Variants in CCDC38 observed in about 807,000 individuals in gnomAD.
CCDC38 encodes the protein coiled-coil domain containing 38, also known as coiled-coil domain-containing protein 38.
In CCDC38, 69 loss-of-function variants were observed where a neutral mutation model predicts 72.8. The ratio of observed to expected loss-of-function variants is 0.95; its 90% CI spans 0.78 to 1.16. CCDC38 has a LOEUF of 1.16. Ranked by LOEUF, CCDC38 falls within the 50% of genes most tolerant of loss-of-function variation. The probability of loss-of-function intolerance (pLI) is 0.00; values close to 1 mark genes in which losing one functional copy is unlikely to be tolerated. For missense variants in CCDC38, 626 were observed against 638.9 expected, an observed-to-expected ratio of 0.98 and a Z score of 0.22; for synonymous variants, 201 against 213.2, an observed-to-expected ratio of 0.94 and a Z score of 0.50.
At chr12:95,902,601 G>C (rs185641888) in intron 5 of CCDC38, among the ~76,000 whole-genome samples, 2 of 152,228 alleles carry the variant, frequency 1.3e-5, no homozygotes, top group Non-Finnish European at 1.5e-5. Flanking sequence ...ATATACCCCA[G>C]TTTGGTTACC....
At chr12:95,886,426 C>T (rs1294123647) in intron 10 of CCDC38, among the ~76,000 whole-genome samples, 1 of 152,074 alleles carries the variant, frequency 6.6e-6, no homozygotes, top group Admixed American at 6.5e-5. Context: ...TTAGAATTGA[C>T]ACCAAAAGCA....
At chr12:95,888,776 G>T (rs2079788551) in intron 9 of CCDC38, among the ~76,000 whole-genome samples, 1 of 152,118 alleles carries the variant, frequency 6.6e-6, no homozygotes, top group Non-Finnish European at 1.5e-5. Context: ...CTCAGGCAGA[G>T]ATCACACTTT....
intron 8 of CCDC38, among the ~76,000 whole-genome samples, chr12:95,893,420 TCC>T (rs1565949931): frequency 1.7e-5 from 1 of 57,464 alleles, no homozygotes; most frequent in Non-Finnish European, 3.2e-5. Flanking sequence ...CCTCCCTCCC[TCC>T]CTCCCTCCCT....
intron 4 of CCDC38, among the ~76,000 whole-genome samples, chr12:95,912,362 C>G (rs1181216568): frequency 6.6e-6 from 1 of 152,004 alleles, no homozygotes. Context: ...TCCCCTGAAT[C>G]TAAAATTTAA....
chr12:95,898,525 A>G, intron 6 of CCDC38, 43 bp downstream of exon 6: 1 of 1,614,064 alleles, frequency 6.2e-7, no homozygotes, highest in Non-Finnish European at 8.5e-7. Context: ...AAACAAACAA[A>G]CAAAAGAGGT....
chr12:95,886,368 GA>G (rs1343074564), intron 10 of CCDC38, among the ~76,000 whole-genome samples: 4 of 151,818 alleles, frequency 2.6e-5, no homozygotes, highest in Non-Finnish European at 5.9e-5. Context: ...AAACACCTAA[GA>G]AAAAATATGG....
intron 5 of CCDC38, among the ~76,000 whole-genome samples, chr12:95,902,792 A>G (rs2079963552): frequency 6.6e-6 from 1 of 152,108 alleles, no homozygotes; most frequent in African/African-American, 2.4e-5. Flanking sequence ...GAAACTATGA[A>G]ACTGCAGCAG....
chr12:95,923,049 G>A (rs1260590791), intron 2 of CCDC38, among the ~76,000 whole-genome samples: 3 of 152,064 alleles, frequency 2.0e-5, no homozygotes, highest in Non-Finnish European at 4.4e-5. Context: ...AGTAGAAAAG[G>A]CTGAGGAATT....
At chr12:95,892,492 C>G (rs1381446052) in intron 8 of CCDC38, among the ~76,000 whole-genome samples, 1 of 151,370 alleles carries the variant, frequency 6.6e-6, no homozygotes, top group Non-Finnish European at 1.5e-5. Context: ...CTATGTTGCC[C>G]AAGCTGGTCT....
chr12:95,920,878 C>T (rs1274321815), intron 2 of CCDC38, among the ~76,000 whole-genome samples: 1 of 143,036 alleles, frequency 7.0e-6, no homozygotes, highest in African/African-American at 2.5e-5. Flanking sequence ...CGTATAATCC[C>T]AGCACTTTCG....
intron 8 of CCDC38, among the ~76,000 whole-genome samples, chr12:95,893,379 A>G (rs2079849449): frequency 6.9e-6 from 1 of 145,044 alleles, no homozygotes; most frequent in Non-Finnish European, 1.5e-5. Flanking sequence ...TTTTTGAGAC[A>G]GGTTTTCTTA....
Position 95,918,975 on chromosome 12 carries a change from A to T in CCDC38, c.39T>A (p.Gly13=), listed in dbSNP as rs1178439138. 25 of 1,580,556 alleles carry T rather than the reference A, an allele frequency of 1.6e-5. No individual in the cohort carries two copies. Among genetic ancestry groups the T allele is most frequent in the African/African-American group, 2.7e-5 (2 of 74,144 alleles). ...SNLLPTLNSG[G]KVKDGSTKED... ...CTTTGGTTGAGCCATCTTTTACTTT[A>T]CCTGTTAAAAAAGAAAGAATGAATG... is the stretch of plus-strand genomic sequence containing the variant. Residue 13 remains glycine (G), a splice_region_variant and synonymous_variant, in exon 3 of 16, where the codon GGT becomes GGA. Transcript: ENST00000344280.
chr12:95,895,360 G>A (rs1191263330), intron 7 of CCDC38, among the ~76,000 whole-genome samples: 2 of 152,224 alleles, frequency 1.3e-5, no homozygotes, highest in East Asian at 3.9e-4. Context: ...CATGTCCAAG[G>A]ATATGCACAC....
intron 4 of CCDC38, among the ~76,000 whole-genome samples, chr12:95,912,569 G>T (rs1268953808): frequency 6.6e-6 from 1 of 152,154 alleles, no homozygotes; most frequent in Non-Finnish European, 1.5e-5. Context: ...ACTATAGTTA[G>T]CAATAGTTTG....
At chr12:95,913,138 G>A (rs2080112158) in intron 4 of CCDC38, among the ~76,000 whole-genome samples, 3 of 152,136 alleles carry the variant, frequency 2.0e-5, no homozygotes. Flanking sequence ...TAACCTGTGA[G>A]CCTGTGCTGC....
chr12:95,898,763 A>G (rs1184672444), intron 5 of CCDC38, 32 bp from the exon 6 acceptor site: 5 of 1,595,060 alleles, frequency 3.1e-6, no homozygotes, highest in Non-Finnish European at 4.3e-6. Context: ...GTGTAAAAAC[A>G]TGATTCCACA....
chr12:95,888,509 G>T lies in CCDC38; in HGVS notation c.872-3C>A. ...AGTCAGGCTTCTGCTTGGCTTTCCT[G>T]TTCAAAATGTCCAGGTGAGGCCATG... On this transcript the variant is annotated splice_region_variant and splice_polypyrimidine_tract_variant and intron_variant, in intron 9 of 15. Transcript: ENST00000344280. 1 of 1,613,894 alleles carries T rather than the reference G, an allele frequency of 6.2e-7. No homozygotes were observed. Among genetic ancestry groups the T allele is most frequent in the Non-Finnish European group, 8.5e-7 (1 of 1,179,948 alleles).
intron 11 of CCDC38, among the ~76,000 whole-genome samples, chr12:95,880,998 A>G (rs1273492163): frequency 1.3e-5 from 2 of 152,100 alleles, no homozygotes; most frequent in East Asian, 3.8e-4. Context: ...ACAATTTTTT[A>G]AAAAGATGAC....
intron 4 of CCDC38, among the ~76,000 whole-genome samples, chr12:95,914,749 AATCTATAATAGCC>A (rs1224766325): frequency 1.3e-5 from 2 of 152,064 alleles, no homozygotes; most frequent in Non-Finnish European, 2.9e-5. Context: ...GTCTCTTTTA[AATCTATAATAGCC>A]ACCCCCGCTC....
Sources: allele counts gnomAD v4.1 joint callset (sites outside exome capture counted in the v4.1 genomes callset), GRCh38; gene constraint gnomAD v4.1.1; transcripts MANE v1.5; gene names NCBI Gene and HGNC (gene_info 2026-07-23, HGNC 2026-07-21).